The following FAM193A variants were observed in gnomAD, a reference collection of about 807,000 sequenced individuals.
The protein encoded by FAM193A is family with sequence similarity 193 member A.
A neutral mutation model predicts 126.5 loss-of-function variants in FAM193A; 22 were observed. That is an observed-to-expected ratio of 0.17 (90% confidence interval 0.12 to 0.25). The LOEUF is 0.25. Ranked by LOEUF, FAM193A falls within the 10% of genes least tolerant of loss-of-function variation. The probability of loss-of-function intolerance (pLI) is 1.00; values close to 1 mark genes in which losing one functional copy is unlikely to be tolerated. For synonymous variants in FAM193A, 761 were observed against 646.8 expected, an observed-to-expected ratio of 1.18 and a Z score of -2.68; for missense variants, 1,675 against 1,672.8, an observed-to-expected ratio of 1.00 and a Z score of -0.02.
At chr4:2,716,497 G>C (rs534624035) in intron 20 of FAM193A, among the ~76,000 whole-genome samples, 3 of 152,172 alleles carry the variant, frequency 2.0e-5, no homozygotes, top group African/African-American at 7.2e-5. Context: ...CGGCATCTAC[G>C]TTCTTGACAG....
intron 1 of FAM193A, among the ~76,000 whole-genome samples, chr4:2,553,527 C>T (rs567730312): frequency 1.2e-4 from 18 of 151,982 alleles, no homozygotes; most frequent in Admixed American, 2.0e-4. Context: ...ACTACAGGCG[C>T]GCACCACCAT....
At chr4:2,616,505 C>A (rs927522496) in intron 2 of FAM193A, among the ~76,000 whole-genome samples, 1 of 152,052 alleles carries the variant, frequency 6.6e-6, no homozygotes, top group Non-Finnish European at 1.5e-5. Context: ...TACCATCTTG[C>A]ATTTTTTCTC....
At chr4:2,590,622 C>T (rs925603333) in intron 1 of FAM193A, among the ~76,000 whole-genome samples, 2 of 151,822 alleles carry the variant, frequency 1.3e-5, no homozygotes, top group African/African-American at 4.8e-5. Flanking sequence ...TTACTGGGCG[C>T]CTACTGGTTG....
At chr4:2,575,487 C>T (rs1237537613) in intron 1 of FAM193A, among the ~76,000 whole-genome samples, 5 of 126,086 alleles carry the variant, frequency 4.0e-5, no homozygotes, top group East Asian at 4.4e-4. Flanking sequence ...TTTTTTTTGA[C>T]GCTGAGTCTT....
chr4:2,569,018 G>A (rs906324478), intron 1 of FAM193A, among the ~76,000 whole-genome samples: 5 of 128,538 alleles, frequency 3.9e-5, no homozygotes, highest in African/African-American at 1.4e-4. Flanking sequence ...TGCCCAGGCT[G>A]GAGTGTAATG....
intron 1 of FAM193A, among the ~76,000 whole-genome samples, chr4:2,540,806 C>A (rs1378696819): frequency 1.3e-5 from 2 of 151,514 alleles, no homozygotes; most frequent in African/African-American, 4.9e-5. Context: ...ACTAAAAATA[C>A]AAAGAATAGC....
chr4:2,547,588 A>ATGTGTGTGTGTGTGTCTG (rs1553884190), intron 1 of FAM193A, among the ~76,000 whole-genome samples: 13 of 147,242 alleles, frequency 8.8e-5, no homozygotes, highest in African/African-American at 3.0e-4. Flanking sequence ...TGACCTTAGT[A>ATGTGTGTGTGTGTGTCTG]TGTGTGTGTG....
chr4:2,696,747 C>G (rs1261666686), intron 18 of FAM193A, among the ~76,000 whole-genome samples, 154 bp downstream of exon 18: 3 of 152,194 alleles, frequency 2.0e-5, no homozygotes, highest in African/African-American at 7.2e-5. Flanking sequence ...GCCAGCCTGT[C>G]TCTGGTGGCC....
intron 20 of FAM193A, among the ~76,000 whole-genome samples, chr4:2,727,627 TC>T (rs1194626711): frequency 1.3e-5 from 2 of 152,246 alleles, no homozygotes; most frequent in Non-Finnish European, 2.9e-5. Flanking sequence ...TGTCATCTTT[TC>T]TACTAAAGGA....
At chr4:2,561,618 T>C (rs1738620649) in intron 1 of FAM193A, among the ~76,000 whole-genome samples, 1 of 151,678 alleles carries the variant, frequency 6.6e-6, no homozygotes, top group African/African-American at 2.4e-5. Context: ...TGCCTCAGCC[T>C]GCCGAGTAGC....
At chr4:2,667,781 T>C (rs1713289831) in intron 12 of FAM193A, among the ~76,000 whole-genome samples, 1 of 152,256 alleles carries the variant, frequency 6.6e-6, no homozygotes, top group South Asian at 2.1e-4. Flanking sequence ...TTTAGTGTAC[T>C]ATTTTAATTC....
chr4:2,663,266 C>T lies in FAM193A; in HGVS notation c.2057C>T (p.Pro686Leu). The change falls in exon 12 of 21, where the codon CCC becomes CTC. Residue 686 changes from proline (P) to leucine (L), a missense_variant. By Grantham distance (98) the Pro-to-Leu change is moderately conservative. This residue lies in a region of FAM193A where 1,186 missense variants were observed against 1,109.2 expected (regional missense o/e 1.07). Coordinates refer to ENST00000637812, the MANE Select transcript of FAM193A (RefSeq NM_001366318.2). ...RTEESKADSP[P>L]PSYPTQQAEQ... Reference sequence around the variant, plus strand: ...GAGGAGAGCAAAGCAGACAGTCCACCCCCATCCTACCCAACACAGCAGGTA... The same window carrying T: ...GAGGAGAGCAAAGCAGACAGTCCACTCCCATCCTACCCAACACAGCAGGTA... 1 of 1,596,180 alleles carries T rather than the reference C, an allele frequency of 6.3e-7. No homozygotes were observed. The highest frequency in any genetic ancestry group is 8.5e-7 in the Non-Finnish European group (1 of 1,173,714).
At chr4:2,552,613 C>T (rs186243851) in intron 1 of FAM193A, among the ~76,000 whole-genome samples, 32 of 152,190 alleles carry the variant, frequency 2.1e-4, no homozygotes, top group Middle Eastern at 3.4e-3. Flanking sequence ...TTTCTGCTCA[C>T]TGCAAGCTCC....
intron 2 of FAM193A, among the ~76,000 whole-genome samples, chr4:2,607,074 C>G (rs572646365): frequency 2.0e-5 from 3 of 152,232 alleles, no homozygotes; most frequent in Non-Finnish European, 4.4e-5. Flanking sequence ...TCTCACAATG[C>G]ACAGTGAGAT....
intron 6 of FAM193A, among the ~76,000 whole-genome samples, chr4:2,643,718 G>A (rs1451970351): frequency 4.6e-5 from 7 of 152,162 alleles, no homozygotes; most frequent in Non-Finnish European, 1.0e-4. Context: ...TCCTGCGTGG[G>A]CGTGTTCACA....
chr4:2,692,135 C>T (rs1431641229), intron 15 of FAM193A, among the ~76,000 whole-genome samples: 1 of 152,170 alleles, frequency 6.6e-6, no homozygotes, highest in Non-Finnish European at 1.5e-5. Context: ...ATACCCAAGA[C>T]TGGATGATTT....
rs1213904298 is a variant in FAM193A at position 2,540,237 on chromosome 4, AG to A, written c.255+3069del. Among the ~76,000 whole-genome samples the A allele has an allele frequency of 3.9e-5, 6 of 152,310 alleles. No homozygotes were observed. The East Asian group carries it at 9.6e-4, about 24-fold the overall frequency. Reference sequence around the variant, plus strand: ...GTAATCCCAGCACTGTGGGAGGCCGAGGCAGGCGGATCACGAGGTCAGGAGA... The same window carrying A: ...GTAATCCCAGCACTGTGGGAGGCCGAGCAGGCGGATCACGAGGTCAGGAGA... On this transcript the variant is annotated intron_variant, in intron 1 of 20. Transcript: ENST00000637812.
At chr4:2,601,567 T>C (rs1255810508) in intron 2 of FAM193A, among the ~76,000 whole-genome samples, 1 of 151,920 alleles carries the variant, frequency 6.6e-6, no homozygotes, top group South Asian at 2.1e-4. Context: ...TGCCTTCTTT[T>C]TTTTCTTTTA....
chr4:2,627,511 A>G, intron 4 of FAM193A, among the ~76,000 whole-genome samples: 1 of 141,354 alleles, frequency 7.1e-6, no homozygotes, highest in East Asian at 2.1e-4. Flanking sequence ...TGAGATGGCC[A>G]TTTCATGGGT....
Sources: allele counts gnomAD v4.1 joint callset (sites outside exome capture counted in the v4.1 genomes callset), GRCh38; gene constraint gnomAD v4.1.1; regional missense constraint gnomAD v4.1.1; transcripts MANE v1.5; gene names NCBI Gene and HGNC (gene_info 2026-07-23, HGNC 2026-07-21).